The following OVOL2 variants were observed in gnomAD, a reference collection of about 807,000 sequenced individuals.
The protein encoded by OVOL2 is ovo like zinc finger 2, also known as transcription factor Ovo-like 2.
Under a neutral mutation model 18.1 loss-of-function variants are expected in OVOL2, and 13 were observed. That is an observed-to-expected ratio of 0.72 (90% confidence interval 0.47 to 1.14). The LOEUF is 1.14. OVOL2 is among the 50% of genes most tolerant of loss of function. The pLI, the probability that OVOL2 is intolerant of heterozygous loss-of-function variation, is 0.00. For missense variants in OVOL2, 335 were observed against 383.0 expected (o/e 0.87, Z 1.05); for synonymous variants, 166 against 162.7 (o/e 1.02, Z -0.16).
At chr20:18,055,473 T>G (rs1195808944) in intron 2 of OVOL2, among the ~76,000 whole-genome samples, 1 of 152,152 alleles carries the variant, frequency 6.6e-6, no homozygotes, top group African/African-American at 2.4e-5. Context: ...ACCCTCACAC[T>G]TACCGCTAAG....
chr20:18,047,165 C>G (rs866415618), intron 2 of OVOL2, among the ~76,000 whole-genome samples: 5 of 152,184 alleles, frequency 3.3e-5, no homozygotes, highest in Non-Finnish European at 7.3e-5. Context: ...TAGTTGTAGG[C>G]AAGTTACCTA....
intron 3 of OVOL2, among the ~76,000 whole-genome samples, chr20:18,025,385 T>C (rs2036503823): frequency 1.3e-5 from 2 of 152,024 alleles, no homozygotes; most frequent in Non-Finnish European, 2.9e-5. Flanking sequence ...CTGGCCAACA[T>C]GGTGAAACCC....
At position 18,024,639 on chromosome 20, in the gene OVOL2, C is replaced by T. The variant is rs1313915237; in HGVS notation, c.825G>A (p.Lys275=). 1.1e-5 allele frequency: 17 copies of T among 1,595,528 alleles called. No homozygotes were observed. The highest frequency in any genetic ancestry group is 1.3e-5 in the African/African-American group (1 of 74,554). Residue 275 remains lysine (K), a synonymous_variant, in exon 4 of 4, where the codon AAG becomes AAA. Transcript: ENST00000278780. Reference sequence around the variant, plus strand: ...TCTGTCCTCCCCTTCCTTCTCCTCACTTCCTCTCCTCCTCCTCACTCAGGC... The same window carrying T: ...TCTGTCCTCCCCTTCCTTCTCCTCATTTCCTCTCCTCCTCCTCACTCAGGC... ...NTSLSEEEER[K] is the part of the protein sequence containing the mutation.
In OVOL2 at chr20:18,031,469, C is replaced by T. The variant is rs571145588; in HGVS notation, c.512-6517G>A. On this transcript the variant is annotated intron_variant, in intron 3 of 3. Transcript: ENST00000278780. ...GCGAGTGCCTGTAATCCCAGCTACT[C>T]GGGAGGCCAGGGCAGGAGAATCGCT... Among the ~76,000 whole-genome samples the T allele has an allele frequency of 3.3e-5, 5 of 152,164 alleles. No homozygotes were observed. The East Asian group carries it at 7.7e-4, about 24-fold the overall frequency.
intron 3 of OVOL2, among the ~76,000 whole-genome samples, chr20:18,027,043 A>G (rs926826102): frequency 1.2e-4 from 19 of 152,056 alleles, no homozygotes; most frequent in African/African-American, 4.3e-4. Context: ...CTCAAATCTC[A>G]GCATCATGCA....
At chr20:18,049,205 C>T (rs961671526) in intron 2 of OVOL2, among the ~76,000 whole-genome samples, 5 of 152,184 alleles carry the variant, frequency 3.3e-5, no homozygotes, top group Non-Finnish European at 7.3e-5. Flanking sequence ...AAACAGGACT[C>T]AGCGGCAGAA....
intron 3 of OVOL2, among the ~76,000 whole-genome samples, chr20:18,035,501 C>T (rs2036608206): frequency 6.6e-6 from 1 of 152,168 alleles, no homozygotes; most frequent in Admixed American, 6.5e-5. Flanking sequence ...ACCAAATTCC[C>T]ACTGAATTCA....
intron 3 of OVOL2, among the ~76,000 whole-genome samples, chr20:18,026,193 G>A (rs1342248292): frequency 6.6e-6 from 1 of 152,162 alleles, no homozygotes; most frequent in African/African-American, 2.4e-5. Flanking sequence ...TGATGTGTAT[G>A]GCAGAATGTC....
At chr20:18,058,347 G>C (rs1324210732), upstream of OVOL2, among the ~76,000 whole-genome samples, 1 of 151,246 alleles carries the variant, frequency 6.6e-6, no homozygotes, top group East Asian at 2.0e-4. Flanking sequence ...CAAGGATTCT[G>C]ATTATTAATA....
chr20:18,045,791 A>G (rs996123876), intron 2 of OVOL2, among the ~76,000 whole-genome samples: 1 of 152,126 alleles, frequency 6.6e-6, no homozygotes. Context: ...GAAGCTTTAT[A>G]AAACAGGGGA....
intron 3 of OVOL2, among the ~76,000 whole-genome samples, chr20:18,036,125 C>T (rs2036612732): frequency 6.6e-6 from 1 of 151,678 alleles, no homozygotes; most frequent in South Asian, 2.1e-4. Flanking sequence ...GAAACTCCAT[C>T]TCTACTAAAA....
chr20:18,056,585 G>A lies in OVOL2; in HGVS notation c.321+72C>T. 2.3e-6 allele frequency: 3 copies of A among 1,289,796 alleles called. No individual in the cohort carries two copies. The highest frequency in any genetic ancestry group is 2.0e-6 in the Non-Finnish European group (2 of 1,016,568). The allele number at this position is 1,289,796 out of a possible 1,614,324, so 79.9% of individuals were successfully genotyped here. A position where few individuals can be genotyped will look rare whatever the true frequency, so the allele number is the denominator to read the frequency against. ...GTTGCGCAGGCGGGCGCGGCAGGGA[G>A]GGGCGCCGGCCTCGGGAGCCCGACG... On this transcript the variant is annotated intron_variant, in intron 2 of 3. Coordinates refer to ENST00000278780, the MANE Select transcript of OVOL2 (RefSeq NM_021220.4). This position sits in a 1 kb window ranked among gnomAD's most constrained non-coding sequence, Gnocchi z 4.2.
rs747181191 is a variant in OVOL2 at position 18,024,634 on chromosome 20, C to T, written c.*2G>A. On this transcript the variant is annotated 3_prime_UTR_variant, in exon 4 of 4. Coordinates refer to ENST00000278780, the MANE Select transcript of OVOL2 (RefSeq NM_021220.4). Reference sequence around the variant, plus strand: ...GAACGTCTGTCCTCCCCTTCCTTCTCCTCACTTCCTCTCCTCCTCCTCACT... The same window carrying T: ...GAACGTCTGTCCTCCCCTTCCTTCTTCTCACTTCCTCTCCTCCTCCTCACT... 1 of 1,588,488 alleles carries T rather than the reference C, an allele frequency of 6.3e-7. No homozygotes were observed. The highest frequency in any genetic ancestry group is 1.7e-4 in the Middle Eastern group (1 of 5,958).
At chr20:18,053,159 G>A (rs1040833385) in intron 2 of OVOL2, among the ~76,000 whole-genome samples, 1 of 152,180 alleles carries the variant, frequency 6.6e-6, no homozygotes, top group Non-Finnish European at 1.5e-5. Context: ...CCATCAACAC[G>A]ATCAAGTTAG....
chr20:18,036,287 C>T (rs988827004), intron 3 of OVOL2, among the ~76,000 whole-genome samples: 1 of 152,134 alleles, frequency 6.6e-6, no homozygotes, highest in African/African-American at 2.4e-5. Flanking sequence ...GAGCAAAACT[C>T]CATCTCAAAA....
chr20:18,032,566 G>A (rs1009586205), intron 3 of OVOL2, among the ~76,000 whole-genome samples: 1 of 152,056 alleles, frequency 6.6e-6, no homozygotes, highest in African/African-American at 2.4e-5. Context: ...GGGTGCAGTG[G>A]CACCATCTCA....
chr20:18,053,789 T>C (rs577337638), intron 2 of OVOL2, among the ~76,000 whole-genome samples: 7 of 151,762 alleles, frequency 4.6e-5, no homozygotes, highest in Non-Finnish European at 8.8e-5. Context: ...GGAGCACCCA[T>C]ATTTCTTGGC....
At chr20:18,026,631 T>G (rs1359772630) in intron 3 of OVOL2, among the ~76,000 whole-genome samples, 1 of 152,152 alleles carries the variant, frequency 6.6e-6, no homozygotes, top group African/African-American at 2.4e-5. Context: ...TCTGCCCCCC[T>G]CGGCCTCCCA....
At chr20:18,050,166 G>A (rs531612093) in intron 2 of OVOL2, among the ~76,000 whole-genome samples, 5 of 152,264 alleles carry the variant, frequency 3.3e-5, no homozygotes, top group South Asian at 4.2e-4. Flanking sequence ...TTCCTGCACC[G>A]CCGAAGCTAG....
Sources: gnomAD v4.1 joint callset for allele counts (sites outside exome capture counted in the v4.1 genomes callset) on GRCh38, gnomAD v4.1.1 for gene constraint, Gnocchi (gnomAD v3.1) non-coding constraint, MANE v1.5 for transcripts, NCBI Gene and HGNC (gene_info 2026-07-23, HGNC 2026-07-21) for gene names.